NELL2: variants seen among roughly 807,000 people sequenced by gnomAD.
The protein encoded by NELL2 is neural EGFL like 2, also known as protein kinase C-binding protein NELL2.
Under a neutral mutation model 109.6 loss-of-function variants are expected in NELL2, and 41 were observed. The ratio of observed to expected loss-of-function variants is 0.37; its 90% CI spans 0.29 to 0.49. The LOEUF (loss-of-function observed/expected upper bound fraction) is 0.49, where lower values mean the gene tolerates loss of function less well. Among genes scored for constraint, NELL2 ranks in the 20% least tolerant of loss-of-function variants. The pLI, the probability that NELL2 is intolerant of heterozygous loss-of-function variation, is 0.98. For synonymous variants in NELL2, 355 were observed against 344.7 expected, an observed-to-expected ratio of 1.03 and a Z score of -0.33; for missense variants, 900 against 1,008.3, an observed-to-expected ratio of 0.89 and a Z score of 1.45.
intron 3 of NELL2, among the ~76,000 whole-genome samples, chr12:44,802,171 C>A (rs1461151806): frequency 1.3e-5 from 2 of 152,084 alleles, no homozygotes; most frequent in African/African-American, 4.8e-5. Flanking sequence ...GAGCAAAACT[C>A]CTGCAACAGA....
At chr12:44,897,402 T>G (rs1173266874) in intron 1 of NELL2, among the ~76,000 whole-genome samples, 1 of 152,020 alleles carries the variant, frequency 6.6e-6, no homozygotes, top group East Asian at 1.9e-4. Flanking sequence ...GATACCTGCA[T>G]TTCCAACTGA....
intron 15 of NELL2, among the ~76,000 whole-genome samples, chr12:44,560,111 G>T (rs975786854): frequency 1.3e-5 from 2 of 152,146 alleles, no homozygotes; most frequent in African/African-American, 4.8e-5. Flanking sequence ...CAGAAATAAA[G>T]AAGTTATTTG....
At chr12:44,667,867 G>A (rs1236865353) in intron 12 of NELL2, among the ~76,000 whole-genome samples, 1 of 152,156 alleles carries the variant, frequency 6.6e-6, no homozygotes, top group Non-Finnish European at 1.5e-5. Context: ...TATAATCCTA[G>A]CCACAAAAGA....
intron 13 of NELL2, among the ~76,000 whole-genome samples, chr12:44,616,973 G>A (rs138233153): frequency 3.0e-4 from 45 of 152,212 alleles, no homozygotes; most frequent in African/African-American, 1.0e-3. Flanking sequence ...TTATTATACT[G>A]CAGATCTTTC....
At chr12:44,698,880 C>A (rs1949138055) in intron 12 of NELL2, among the ~76,000 whole-genome samples, 1 of 152,168 alleles carries the variant, frequency 6.6e-6, no homozygotes, top group Non-Finnish European at 1.5e-5. Context: ...CAAAAAACTT[C>A]TTCATTGTAA....
intron 3 of NELL2, among the ~76,000 whole-genome samples, chr12:44,798,384 T>C (rs528307157): frequency 5.4e-4 from 82 of 152,110 alleles, no homozygotes; most frequent in Non-Finnish European, 1.0e-3. Flanking sequence ...AAAATATCAA[T>C]GTGCAAGATT....
intron 1 of NELL2, among the ~76,000 whole-genome samples, chr12:44,883,995 T>G (rs1030844002): frequency 1.1e-4 from 16 of 152,004 alleles, no homozygotes; most frequent in African/African-American, 3.6e-4. Context: ...TAAATACAAG[T>G]GGTCTAATCA....
chr12:44,876,579 T>C (rs1197443170), upstream of NELL2: 23 of 1,527,208 alleles, frequency 1.5e-5, no homozygotes, highest in East Asian at 3.7e-4. Context: ...TCCAAGGTGC[T>C]AAGTTGATGG....
intron 15 of NELL2, among the ~76,000 whole-genome samples, chr12:44,553,760 T>C (rs1407532201): frequency 6.6e-6 from 1 of 152,142 alleles, no homozygotes; most frequent in East Asian, 1.9e-4. Flanking sequence ...TTTTTGAAAG[T>C]AAATCATAAA....
intron 15 of NELL2, among the ~76,000 whole-genome samples, chr12:44,555,229 G>A (rs189130426): frequency 6.6e-6 from 1 of 152,212 alleles, no homozygotes; most frequent in East Asian, 1.9e-4. Context: ...GTCTTGTGAG[G>A]GCTGGAAGGT....
chr12:44,715,973 T>A (rs57006455), intron 9 of NELL2, among the ~76,000 whole-genome samples: 4,209 of 152,136 alleles, frequency 0.028, 181 homozygotes, highest in African/African-American at 0.094. Flanking sequence ...ATTATTTATT[T>A]TTTTCTTTTA....
intron 1 of NELL2, 27 bp downstream of exon 1, chr12:44,875,788 C>A (rs764517675): frequency 5.6e-6 from 9 of 1,612,814 alleles, no homozygotes; most frequent in East Asian, 2.2e-5. Flanking sequence ...CATCCCTTTC[C>A]CCAGCCCCAG....
Position 44,520,161 on chromosome 12 carries a change from C to T in NELL2, c.2244G>A (p.Glu748=), listed in dbSNP as rs1941465403. ...DVECEFSILP[E]NECCPRCVTD... Reference sequence around the variant, plus strand: ...TGACACAGCGCGGGCAGCACTCATTCTCTGGGAGAATGCTGAATTCACACT... The same window carrying T: ...TGACACAGCGCGGGCAGCACTCATTTTCTGGGAGAATGCTGAATTCACACT... The change falls in exon 19 of 20, where the codon GAG becomes GAA. Residue 748 remains glutamate, a synonymous_variant. Coordinates refer to ENST00000429094, the MANE Select transcript of NELL2 (RefSeq NM_001145108.2). 6 of 1,613,904 alleles carry T rather than the reference C, an allele frequency of 3.7e-6. No individual in the cohort carries two copies. Among genetic ancestry groups the T allele is most frequent in the Non-Finnish European group, 4.2e-6 (5 of 1,179,978 alleles).
rs1288682430 is a variant in NELL2, at chr12:44,820,754, T to C, written c.185-4618A>G. Among the ~76,000 whole-genome samples, 7 of 152,160 alleles carry C rather than the reference T, an allele frequency of 4.6e-5. 1 individual carries two copies. In the East Asian group the frequency reaches 1.3e-3, roughly 29 times the overall value. The stretch of plus-strand genomic sequence containing the variant: ...AGAGACTTAATGAAAGGAAATGCAG[T>C]GGAAGCCTGATGGTACCCAAATGGG... On this transcript the variant is annotated intron_variant, in intron 2 of 19. Transcript: ENST00000429094.
intron 9 of NELL2, among the ~76,000 whole-genome samples, chr12:44,742,807 G>A (rs1347709570): frequency 6.6e-6 from 1 of 152,186 alleles, no homozygotes; most frequent in African/African-American, 2.4e-5. Context: ...TACGTGAAAA[G>A]ACCAAATCTA....
At position 44,719,816 on chromosome 12, in the gene NELL2, A is replaced by T. The variant is rs115389508; in HGVS notation, c.995-5075T>A. 4.0e-3 allele frequency among the ~76,000 whole-genome samples: 603 copies of T among 152,272 alleles called. 1 individual carries two copies. The highest frequency in any genetic ancestry group is 0.014 in the African/African-American group (576 of 41,596). On this transcript the variant is annotated intron_variant, in intron 9 of 19. Transcript: ENST00000429094. ...CTTCATTCTGAGCCAATATTTTGTT[A>T]GTGATATACAAATCAAAGCTGTTGG...
intron 15 of NELL2, among the ~76,000 whole-genome samples, chr12:44,592,255 A>T (rs949356274): frequency 3.3e-5 from 5 of 152,222 alleles, no homozygotes; most frequent in Admixed American, 1.3e-4. Context: ...ATGTAAAGCA[A>T]TTAGCACAAT....
In NELL2 at chr12:44,816,437, C is replaced by T. The variant is rs569479355; in HGVS notation, c.185-301G>A. On this transcript the variant is annotated intron_variant, in intron 2 of 19. Transcript: ENST00000429094. ...GGGGACGTATACTCCCAAGTTTTCTCTACACAATTCCTATATTCTAGATAA... is the reference window on the plus strand; with the variant it reads ...GGGGACGTATACTCCCAAGTTTTCTTTACACAATTCCTATATTCTAGATAA... Among the ~76,000 whole-genome samples, 215 of 152,242 alleles carry T rather than the reference C, an allele frequency of 1.4e-3. 1 individual carries two copies. The highest frequency in any genetic ancestry group is 4.9e-3 in the African/African-American group (204 of 41,544).
chr12:44,694,425 C>G (rs577953720), intron 12 of NELL2, among the ~76,000 whole-genome samples: 2 of 151,942 alleles, frequency 1.3e-5, no homozygotes, highest in South Asian at 4.1e-4. Flanking sequence ...CTTACCCACT[C>G]CAGATTTTGA....
Sources: allele counts gnomAD v4.1 joint callset (sites outside exome capture counted in the v4.1 genomes callset), GRCh38; gene constraint gnomAD v4.1.1; transcripts MANE v1.5; gene names NCBI Gene and HGNC (gene_info 2026-07-23, HGNC 2026-07-21).